Variants in KSR2 observed in about 807,000 individuals in gnomAD.
KSR2 encodes the protein kinase suppressor of ras 2.
Under a neutral mutation model 107.8 loss-of-function variants are expected in KSR2, and 25 were observed. The observed-to-expected ratio is 0.23, with a 90% CI of 0.17 to 0.32. The LOEUF is 0.32. Among genes scored for constraint, KSR2 ranks in the 10% least tolerant of loss-of-function variants. The pLI, the probability that KSR2 is intolerant of heterozygous loss-of-function variation, is 1.00. For missense variants in KSR2, 887 were observed against 1,268.9 expected, an observed-to-expected ratio of 0.70 and a Z score of 4.57; for synonymous variants, 480 against 507.0, an observed-to-expected ratio of 0.95 and a Z score of 0.71.
chr12:117,528,792 C>T lies in KSR2; in HGVS notation c.1803-1673G>A, dbSNP rs1228122587. ...GGCCACCCTCCTCTCTGCATCAAGG[C>T]GTGATTCCAGCAGCCAGGGCTATTC... is the stretch of plus-strand genomic sequence containing the variant. On this transcript the variant is annotated intron_variant, in intron 12 of 19. Coordinates refer to ENST00000339824, the MANE Select transcript of KSR2 (RefSeq NM_173598.6). Among the ~76,000 whole-genome samples the T allele has an allele frequency of 5.3e-5, 8 of 152,194 alleles. No homozygotes were observed. The East Asian group carries it at 5.8e-4, about 11-fold the overall frequency.
rs543096438 is a variant in KSR2 at position 117,730,193 on chromosome 12, G to A, written c.986+30818C>T. ...GGCAAGATTTGGGCCTCAGGTGGTA[G>A]GGTGGTAGCTTGCCGATCCCTGTGC... On this transcript the variant is annotated intron_variant, in intron 4 of 19. Transcript: ENST00000339824. Among the ~76,000 whole-genome samples, 90 of 152,272 alleles carry A rather than the reference G, an allele frequency of 5.9e-4. 1 individual carries two copies. The highest frequency in any genetic ancestry group is 1.9e-3 in the African/African-American group (79 of 41,564).
At chr12:117,822,267 C>A (rs529056148) in intron 3 of KSR2, among the ~76,000 whole-genome samples, 7 of 152,300 alleles carry the variant, frequency 4.6e-5, no homozygotes, top group African/African-American at 1.7e-4. Context: ...TTTTATTTCT[C>A]TACTTTCTTA....
At chr12:117,638,163 T>A (rs1593078381) in intron 5 of KSR2, among the ~76,000 whole-genome samples, 1 of 151,416 alleles carries the variant, frequency 6.6e-6, no homozygotes, top group Non-Finnish European at 1.5e-5. Context: ...TTTAAAATCT[T>A]TTTATTTAGA....
chr12:117,479,035 A>G (rs1463841343), intron 16 of KSR2, among the ~76,000 whole-genome samples: 1 of 152,220 alleles, frequency 6.6e-6, no homozygotes, highest in Non-Finnish European at 1.5e-5. Context: ...TCCCTGAATG[A>G]CGCTCCAAGA....
chr12:117,667,455 G>GC lies in KSR2; in HGVS notation c.1171+18dup. ...TGGCATGGCAAGCGTTCCCAGTGCA[G>GC]CCCGGCAGGGTGACTTACTTGCAGA... On this transcript the variant is annotated intron_variant, in intron 5 of 19. Transcript: ENST00000339824. 1 of 1,603,368 alleles carries GC rather than the reference G, an allele frequency of 6.2e-7. No homozygotes were observed.
intron 10 of KSR2, among the ~76,000 whole-genome samples, chr12:117,537,923 T>C (rs996582419): frequency 3.3e-5 from 5 of 152,120 alleles, no homozygotes; most frequent in Non-Finnish European, 5.9e-5. Flanking sequence ...AGAGCTGTGG[T>C]CCTTTTGTGC....
chr12:117,642,000 T>C (rs1413281749), intron 5 of KSR2, among the ~76,000 whole-genome samples: 4 of 152,194 alleles, frequency 2.6e-5, no homozygotes, highest in African/African-American at 7.2e-5. Flanking sequence ...TCCTTCTGCC[T>C]TAAATGCACT....
At chr12:117,510,906 A>G (rs11068523) in intron 14 of KSR2, among the ~76,000 whole-genome samples, 11,406 of 151,046 alleles carry the variant, frequency 0.076, 680 homozygotes, top group African/African-American at 0.17. Flanking sequence ...AAAATCCTCA[A>G]CAACAGCAGC....
chr12:117,464,870 G>A lies in KSR2; in HGVS notation c.*2329C>T, dbSNP rs1018193966. 2 of 152,270 alleles carry A rather than the reference G, an allele frequency of 1.3e-5. No individual in the cohort carries two copies. The highest frequency in any genetic ancestry group is 2.9e-5 in the Non-Finnish European group (2 of 68,078). The allele number at this position is 152,270 out of a possible 1,614,324, so 9.4% of individuals were successfully genotyped here. ...TCCTTAATCCCAAACTGGTGCTCAT[G>A]AATGAATGGAAAAATCAGCTGTTGG... On this transcript the variant is annotated 3_prime_UTR_variant, in exon 20 of 20. Transcript: ENST00000339824.
chr12:117,810,687 G>C (rs1343620701), intron 3 of KSR2, among the ~76,000 whole-genome samples: 1 of 152,128 alleles, frequency 6.6e-6, no homozygotes. Flanking sequence ...AACATTCCAA[G>C]CTAATATGCA....
intron 5 of KSR2, among the ~76,000 whole-genome samples, chr12:117,636,465 C>A (rs1401445630): frequency 3.0e-4 from 43 of 142,156 alleles, no homozygotes; most frequent in Non-Finnish European, 3.0e-4. Flanking sequence ...AAATAACAAA[C>A]CAGTCACACC....
At chr12:117,964,099 A>T (rs1896730815) in intron 1 of KSR2, among the ~76,000 whole-genome samples, 1 of 152,182 alleles carries the variant, frequency 6.6e-6, no homozygotes, top group Admixed American at 6.6e-5. Context: ...CCATCATGGC[A>T]AAAGCTCGTC....
intron 3 of KSR2, among the ~76,000 whole-genome samples, chr12:117,852,866 A>G (rs1171085717): frequency 6.6e-6 from 1 of 152,156 alleles, no homozygotes; most frequent in Non-Finnish European, 1.5e-5. Context: ...CAGTGGCACA[A>G]TCTCAGCTCA....
chr12:117,943,373 T>A (rs1217763811), intron 1 of KSR2, among the ~76,000 whole-genome samples: 1 of 151,996 alleles, frequency 6.6e-6, no homozygotes, highest in Non-Finnish European at 1.5e-5. Context: ...TGAACCATCA[T>A]GTACAACTAC....
intron 3 of KSR2, among the ~76,000 whole-genome samples, chr12:117,806,876 C>T (rs1054225831): frequency 6.6e-6 from 1 of 152,330 alleles, no homozygotes; most frequent in Non-Finnish European, 1.5e-5. Context: ...CACTAGTGCT[C>T]GGTGAACCGA....
chr12:117,680,099 G>A (rs920066289), intron 4 of KSR2, among the ~76,000 whole-genome samples: 1 of 152,106 alleles, frequency 6.6e-6, no homozygotes, highest in Admixed American at 6.5e-5. Flanking sequence ...GTCTGCTTGG[G>A]ATTTATTTTC....
chr12:117,514,544 C>CTCT (rs763553867), intron 14 of KSR2, among the ~76,000 whole-genome samples: 3,653 of 130,042 alleles, frequency 0.028, 79 homozygotes, highest in Non-Finnish European at 0.044. Flanking sequence ...CTCTCTCTCT[C>CTCT]TTTTTTTTTT....
chr12:117,519,705 AAG>A (rs1204564659), intron 14 of KSR2, among the ~76,000 whole-genome samples: 1 of 152,042 alleles, frequency 6.6e-6, no homozygotes, highest in Non-Finnish European at 1.5e-5. Context: ...GGATGTGGGA[AAG>A]AGAACAGGAG....
intron 1 of KSR2, among the ~76,000 whole-genome samples, chr12:117,886,355 C>T (rs1196734943): frequency 6.6e-6 from 1 of 151,628 alleles, no homozygotes; most frequent in Non-Finnish European, 1.5e-5. Flanking sequence ...TACAGTCATG[C>T]ACCCCATAAT....
Sources: allele counts gnomAD v4.1 joint callset (sites outside exome capture counted in the v4.1 genomes callset), GRCh38; gene constraint gnomAD v4.1.1; transcripts MANE v1.5; gene names NCBI Gene and HGNC (gene_info 2026-07-23, HGNC 2026-07-21).